FHIT: variants seen among roughly 807,000 people sequenced by gnomAD.
FHIT encodes the protein bis(5'-adenosyl)-triphosphatase.
FHIT carries 19 observed loss-of-function variants against 17.9 expected under a neutral mutation model. That is an observed-to-expected ratio of 1.06 (90% CI 0.74 to 1.56). The LOEUF (loss-of-function observed/expected upper bound fraction) is 1.56. FHIT is among the 40% of genes most tolerant of loss of function. The pLI is 0.00. For synonymous variants in FHIT, 81 were observed against 69.7 expected, an observed-to-expected ratio of 1.16 and a Z score of -0.81; for missense variants, 248 against 189.2, an observed-to-expected ratio of 1.31 and a Z score of -1.82.
chr3:60,040,469 C>T (rs767682369), intron 5 of FHIT, among the ~76,000 whole-genome samples: 3 of 152,076 alleles, frequency 2.0e-5, no homozygotes, highest in Non-Finnish European at 4.4e-5. Context: ...ACCTTCCTTT[C>T]TTCATACCAT....
rs116542026 is a variant in FHIT, at chr3:61,082,063, C to T, written c.-163-39964G>A. On this transcript the variant is annotated intron_variant, in intron 2 of 9. Transcript: ENST00000492590. ...CTTTAGGAAGCTCCCCTCATTTTTGCATTGCTCCAATAGATTCTCCAAAAA... is the reference window on the plus strand; with the variant it reads ...CTTTAGGAAGCTCCCCTCATTTTTGTATTGCTCCAATAGATTCTCCAAAAA... 2.7e-3 allele frequency among the ~76,000 whole-genome samples: 412 copies of T among 151,024 alleles called. 4 individuals carry two copies. The highest frequency in any genetic ancestry group is 9.8e-3 in the African/African-American group (401 of 40,900).
At chr3:60,646,517 A>C (rs1319716391) in intron 4 of FHIT, among the ~76,000 whole-genome samples, 2 of 152,172 alleles carry the variant, frequency 1.3e-5, no homozygotes, top group Non-Finnish European at 1.5e-5. Context: ...AATTTCATAC[A>C]AGTTTTTTAT....
Position 60,463,685 on chromosome 3 carries a change from G to A in FHIT, c.103+73175C>T, listed in dbSNP as rs577513183. On this transcript the variant is annotated intron_variant, in intron 5 of 9. Coordinates refer to ENST00000492590, the MANE Select transcript of FHIT (RefSeq NM_002012.4). Reference sequence around the variant, plus strand: ...TGTGGGAGGTTATAGCATGCCCAGAGAAGTTGCCCAGAAAATAGACATGGT... The same window carrying A: ...TGTGGGAGGTTATAGCATGCCCAGAAAAGTTGCCCAGAAAATAGACATGGT... 2.6e-5 allele frequency among the ~76,000 whole-genome samples: 4 copies of A among 152,298 alleles called. No individual in the cohort carries two copies. In the East Asian group the frequency reaches 7.7e-4, roughly 29 times the overall value.
chr3:61,133,125 G>A (rs1340503876), intron 2 of FHIT, among the ~76,000 whole-genome samples: 4 of 152,292 alleles, frequency 2.6e-5, no homozygotes, highest in East Asian at 1.9e-4. Flanking sequence ...AAAGGAAGAC[G>A]TCTCAAACCC....
chr3:60,568,471 G>A (rs2856008), intron 4 of FHIT, among the ~76,000 whole-genome samples: 127,072 of 150,414 alleles, frequency 0.84, 54,050 homozygotes, highest in African/African-American at 0.96. Flanking sequence ...GTGGAGGGAG[G>A]GGGGAGGGAT....
At chr3:59,886,824 G>C (rs1170764580) in intron 8 of FHIT, among the ~76,000 whole-genome samples, 2 of 152,170 alleles carry the variant, frequency 1.3e-5, no homozygotes. Context: ...CCGCAGTCCA[G>C]TGAGACAGTT....
intron 8 of FHIT, among the ~76,000 whole-genome samples, chr3:59,859,389 T>C (rs1702312504): frequency 6.6e-6 from 1 of 152,300 alleles, no homozygotes; most frequent in Admixed American, 6.5e-5. Context: ...CCTATACTCT[T>C]TAAGGCAGGA....
chr3:60,987,541 G>C (rs1001003910), intron 3 of FHIT, among the ~76,000 whole-genome samples: 4 of 152,180 alleles, frequency 2.6e-5, no homozygotes, highest in African/African-American at 9.7e-5. Context: ...CTAATGACTG[G>C]TTTGCTGTTA....
chr3:61,199,480 A>G (rs1045518597), intron 2 of FHIT, among the ~76,000 whole-genome samples: 2 of 152,228 alleles, frequency 1.3e-5, no homozygotes, highest in East Asian at 1.9e-4. Context: ...CAAAATTCCA[A>G]GCCAACCAGT....
intron 3 of FHIT, among the ~76,000 whole-genome samples, chr3:60,837,661 GT>G (rs1185911366): frequency 4.6e-5 from 7 of 151,914 alleles, no homozygotes; most frequent in Non-Finnish European, 8.8e-5. Flanking sequence ...TTTATTTTCT[GT>G]TTGTTCTCTT....
At chr3:61,123,281 C>T (rs770456323) in intron 2 of FHIT, among the ~76,000 whole-genome samples, 1 of 152,090 alleles carries the variant, frequency 6.6e-6, no homozygotes, top group Non-Finnish European at 1.5e-5. Context: ...AATTTTCACT[C>T]ATAAGTGGGA....
chr3:60,029,905 G>GTC (rs1553655775), intron 5 of FHIT, among the ~76,000 whole-genome samples: 100 of 147,456 alleles, frequency 6.8e-4, no homozygotes, highest in African/African-American at 2.4e-3. Context: ...GTCTGTGTGT[G>GTC]TGTGTGTGTG....
intron 5 of FHIT, among the ~76,000 whole-genome samples, chr3:60,044,555 AG>A (rs1446396614): frequency 2.6e-5 from 4 of 152,146 alleles, no homozygotes; most frequent in African/African-American, 9.7e-5. Context: ...GAAGAGAAGA[AG>A]GAAGAGGAGG....
rs17061527 is a variant in FHIT at position 59,962,106 on chromosome 3, T to C, written c.280-39692A>G. Among the ~76,000 whole-genome samples, 125 of 152,352 alleles carry C rather than the reference T, an allele frequency of 8.2e-4. 2 individuals carry two copies. In the East Asian group the frequency reaches 0.021, roughly 26 times the overall value. On this transcript the variant is annotated intron_variant, in intron 7 of 9. Coordinates refer to ENST00000492590, the MANE Select transcript of FHIT (RefSeq NM_002012.4). Reference sequence around the variant, plus strand: ...ATAGAGATGTTCCATTGGAAGACTTTTGAACCAAAACATTTAATTCGCCAG... The same window carrying C: ...ATAGAGATGTTCCATTGGAAGACTTCTGAACCAAAACATTTAATTCGCCAG...
rs534608247 is a variant in FHIT at position 60,575,698 on chromosome 3, T to C, written c.-17-38719A>G. On this transcript the variant is annotated intron_variant, in intron 4 of 9. Coordinates refer to ENST00000492590, the MANE Select transcript of FHIT (RefSeq NM_002012.4). ...ACATAAGTTCCAGTTCTTGGAGAGA[T>C]GCAAGAACATACTGCTCCTATAAGT... Among the ~76,000 whole-genome samples the C allele has an allele frequency of 1.3e-4, 20 of 152,260 alleles. 1 individual carries two copies. The highest frequency in any genetic ancestry group is 8.3e-4 in the South Asian group (4 of 4,810).
intron 3 of FHIT, among the ~76,000 whole-genome samples, chr3:60,929,355 T>C (rs1447464515): frequency 6.6e-6 from 1 of 152,190 alleles, no homozygotes; most frequent in Non-Finnish European, 1.5e-5. Flanking sequence ...TTGGAAGTTA[T>C]GGCCAGGGCA....
At chr3:59,816,346 T>C (rs962013595) in intron 8 of FHIT, among the ~76,000 whole-genome samples, 2 of 152,204 alleles carry the variant, frequency 1.3e-5, no homozygotes, top group Non-Finnish European at 2.9e-5. Flanking sequence ...ATGTGGACTT[T>C]TTGCGTTCAT....
At chr3:59,847,149 T>C (rs978914634) in intron 8 of FHIT, among the ~76,000 whole-genome samples, 9 of 152,176 alleles carry the variant, frequency 5.9e-5, no homozygotes, top group Admixed American at 5.9e-4. Context: ...TTATTCATTA[T>C]TTCTTCAAAT....
intron 5 of FHIT, among the ~76,000 whole-genome samples, chr3:60,300,889 C>T (rs937435249): frequency 6.6e-6 from 1 of 152,072 alleles, no homozygotes; most frequent in African/African-American, 2.4e-5. Flanking sequence ...TGCTTCACTC[C>T]ATCAGCCCTA....
Sources: gnomAD v4.1 joint callset for allele counts (sites outside exome capture counted in the v4.1 genomes callset) on GRCh38, gnomAD v4.1.1 for gene constraint, MANE v1.5 for transcripts, NCBI Gene and HGNC (gene_info 2026-07-23, HGNC 2026-07-21) for gene names.